The following ADPRHL1 variants were observed in gnomAD, a reference collection of about 807,000 sequenced individuals.
ADPRHL1 encodes the protein ADP-ribosylhydrolase like 1, also known as inactive ADP-ribosyltransferase ARH2.
Under a neutral mutation model 44.1 loss-of-function variants are expected in ADPRHL1, and 43 were observed. The ratio of observed to expected loss-of-function variants is 0.98; its 90% CI spans 0.76 to 1.26. ADPRHL1 has a LOEUF of 1.26. Among genes scored for constraint, ADPRHL1 ranks in the 50% most tolerant of loss-of-function variants. The probability of loss-of-function intolerance (pLI) is 0.00; values close to 1 mark genes in which losing one functional copy is unlikely to be tolerated. For synonymous variants in ADPRHL1, 878 were observed against 1,017.4 expected (o/e 0.86, Z 2.61); for missense variants, 2,022 against 2,496.9 (o/e 0.81, Z 4.05).
intron 1 of ADPRHL1, among the ~76,000 whole-genome samples, chr13:113,452,026 G>A (rs528954721): frequency 4.9e-4 from 74 of 152,294 alleles, no homozygotes; most frequent in African/African-American, 1.7e-3. Context: ...GAGCTGGTAT[G>A]AGCGCACACA....
chr13:113,408,276 T>C lies in ADPRHL1; in HGVS notation c.1062-56A>G, dbSNP rs2043824422. On this transcript the variant is annotated intron_variant, in intron 7 of 7. Coordinates refer to ENST00000612156, the MANE Select transcript of ADPRHL1 (RefSeq NM_001394807.1). Reference sequence around the variant, plus strand: ...CATCATCATTTTTCTCCAAGATGACTCTATAGAACATTTATCATGGGGCAA... The same window carrying C: ...CATCATCATTTTTCTCCAAGATGACCCTATAGAACATTTATCATGGGGCAA... The C allele has an allele frequency of 4.1e-6, 5 of 1,230,080 alleles. No homozygotes were observed. In the Admixed American group the frequency reaches 2.1e-4, roughly 52 times the overall value. The allele number at this position is 1,230,080 out of a possible 1,614,324, so 76.2% of individuals were successfully genotyped here. A position where few individuals can be genotyped will look rare whatever the true frequency, so the allele number is the denominator to read the frequency against.
At position 113,399,896 on chromosome 13, in the gene ADPRHL1, G is replaced by A. The variant is rs916145290; in HGVS notation, c.*3482C>T. On this transcript the variant is annotated 3_prime_UTR_variant, in exon 8 of 8. Transcript: ENST00000612156. ...TCCCAGACAACGACCCTCCCTGAGC[G>A]AGTGTCCTGAACATGACCACATTCT... 1.3e-5 allele frequency: 2 copies of A among 151,800 alleles called. No individual in the cohort carries two copies. The highest frequency in any genetic ancestry group is 2.1e-4 in the South Asian group (1 of 4,796). 9.4% of individuals were successfully genotyped at this position (151,800 alleles called of 1,614,324 possible).
rs955131145 is a variant in ADPRHL1, at chr13:113,405,013, G to A, written c.4269C>T (p.Ala1423=). The A allele has an allele frequency of 1.8e-5, 22 of 1,233,378 alleles. No homozygotes were observed. Among genetic ancestry groups the A allele is most frequent in the East Asian group, 3.2e-5 (1 of 31,728 alleles). 76.4% of individuals were successfully genotyped at this position (1,233,378 alleles called of 1,614,324 possible). ...CCCCAATGGCCATCCCTTTGTCCCC[G>A]GCCAGATCCTGTGCCCACCATGTCT... ...EPQTWWAQDL[A]GDKGMAIGVG... Residue 1423 remains alanine (A), a synonymous_variant, in exon 8 of 8, where the codon GCC becomes GCT. Transcript: ENST00000612156.
rs529399235 is a variant in ADPRHL1, at chr13:113,404,461, C to T, written c.4821G>A (p.Trp1607Ter). The T allele has an allele frequency of 7.6e-7, 1 of 1,308,518 alleles. No individual in the cohort carries two copies. The highest frequency in any genetic ancestry group is 9.7e-7 in the Non-Finnish European group (1 of 1,035,904). The allele number at this position is 1,308,518 out of a possible 1,614,324, so 81.1% of individuals were successfully genotyped here. ...CCTGTCCCTGAGCCTCTTCCTGGGC[C>T]CATTTCTGAACCTCTCCTTGAACCT... ...QKQVQGEVQK[W>*]AQEEAQGQAQ... Residue 1607 changes from tryptophan to a stop codon, truncating the protein, a stop_gained, in exon 8 of 8, where the codon TGG becomes TGA. Coordinates refer to ENST00000612156, the MANE Select transcript of ADPRHL1 (RefSeq NM_001394807.1). LOFTEE classifies it low-confidence loss of function (END_TRUNC).
intron 7 of ADPRHL1, among the ~76,000 whole-genome samples, chr13:113,411,659 G>A (rs1196495658): frequency 2.0e-5 from 3 of 152,216 alleles, no homozygotes; most frequent in African/African-American, 4.8e-5. Context: ...GGGTTTATTG[G>A]CTGAGGATTA....
rs2043988153 is a variant in ADPRHL1, at chr13:113,429,040, T to C, written c.558A>G (p.Gly186=). Residue 186 remains glycine (G), a synonymous_variant, in exon 4 of 8, where the codon GGA becomes GGG. Transcript: ENST00000612156. ...CTCTCCCCCACTGGACCAGGGGCTT[T>C]CCTTGTGCGGCGAACGACACAAACA... ...TALFVSFAAQ[G]KPLVQWGRDM... The C allele has an allele frequency of 6.2e-7, 1 of 1,612,796 alleles. No homozygotes were observed. The highest frequency in any genetic ancestry group is 1.7e-5 in the Admixed American group (1 of 59,996).
intron 1 of ADPRHL1, among the ~76,000 whole-genome samples, chr13:113,447,709 G>C (rs1281612541): frequency 1.3e-5 from 2 of 152,214 alleles, no homozygotes; most frequent in Admixed American, 6.5e-5. Flanking sequence ...ACTGTGGTTT[G>C]GGAGACACGA....
intron 7 of ADPRHL1, among the ~76,000 whole-genome samples, chr13:113,411,139 G>A (rs536414159): frequency 3.5e-4 from 53 of 152,314 alleles, no homozygotes; most frequent in African/African-American, 1.2e-3. Flanking sequence ...ATCCCTCGCT[G>A]ATGGCTTCTG....
At chr13:113,414,320 T>A (rs1035308034) in intron 7 of ADPRHL1, among the ~76,000 whole-genome samples, 1 of 152,142 alleles carries the variant, frequency 6.6e-6, no homozygotes, top group Non-Finnish European at 1.5e-5. Flanking sequence ...GTCCTGGGCC[T>A]CCATCAACAC....
At chr13:113,422,069 C>CAGCG (rs2043927841) in intron 7 of ADPRHL1, 1 of 152,260 alleles carries the variant, frequency 6.6e-6, no homozygotes, top group Admixed American at 6.5e-5. Flanking sequence ...ATCACAGGGA[C>CAGCG]AGCGCTTCCT....
rs2043833980 is a variant in ADPRHL1, at chr13:113,409,378, G to A, written c.1062-1158C>T. On this transcript the variant is annotated intron_variant, in intron 7 of 7. Transcript: ENST00000612156. The surrounding 1 kb of genome is among the most constrained non-coding windows in gnomAD (Gnocchi z 4.2). Reference sequence around the variant, plus strand: ...ACCTGTTAGTCATTCATTCTAAGGAGATCATCAGGGATGAGGAACAAAGAC... The same window carrying A: ...ACCTGTTAGTCATTCATTCTAAGGAAATCATCAGGGATGAGGAACAAAGAC... The A allele has an allele frequency of 1.0e-6, 1 of 985,376 alleles. No homozygotes were observed. The highest frequency in any genetic ancestry group is 6.1e-5 in the Admixed American group (1 of 16,280). 61.0% of individuals were successfully genotyped at this position (985,376 alleles called of 1,614,324 possible).
intron 2 of ADPRHL1, among the ~76,000 whole-genome samples, chr13:113,440,458 C>A (rs1365351741): frequency 7.0e-6 from 1 of 142,356 alleles, no homozygotes; most frequent in Non-Finnish European, 1.5e-5. Flanking sequence ...ATTTTTCCAT[C>A]TTTTTTTTTT....
At chr13:113,422,409 G>A (rs1316685945) in intron 7 of ADPRHL1, 1 of 178,474 alleles carries the variant, frequency 5.6e-6, no homozygotes, top group Admixed American at 5.6e-5. Context: ...GGAAACGCAT[G>A]CCTGGAGGCA....
intron 2 of ADPRHL1, 84 bp from the exon 3 acceptor site, chr13:113,433,951 A>T: frequency 7.0e-7 from 1 of 1,438,576 alleles, no homozygotes; most frequent in Non-Finnish European, 9.2e-7. Flanking sequence ...ATAATTTTAA[A>T]AGTAGAAAAA....
At chr13:113,428,853 TAAGAGCGA>T (rs981424652) in intron 4 of ADPRHL1, 91 bp downstream of exon 4, 66 of 1,552,032 alleles carry the variant, frequency 4.3e-5, no homozygotes, top group Non-Finnish European at 5.7e-5. Context: ...CAGTTCCATC[TAAGAGCGA>T]AAGTGCCTTG....
chr13:113,400,140 CTT>C lies in ADPRHL1; in HGVS notation c.*3236_*3237del, dbSNP rs1181989520. 1.4e-5 allele frequency: 2 copies of C among 139,286 alleles called. No homozygotes were observed. Among genetic ancestry groups the C allele is most frequent in the African/African-American group, 5.8e-5 (2 of 34,454 alleles). 8.6% of individuals were successfully genotyped at this position (139,286 alleles called of 1,614,324 possible). ...TAAATATCCTGTTTTCTTTTCTTTT[CTT>C]TTCTTCTTTTTTTTTTTTTTTTTGA... On this transcript the variant is annotated 3_prime_UTR_variant, in exon 8 of 8. Transcript: ENST00000612156.
In ADPRHL1 at chr13:113,409,145, G is replaced by A. The variant is rs2043832043; in HGVS notation, c.1062-925C>T. 6.6e-6 allele frequency among the ~76,000 whole-genome samples: 1 copy of A among 152,180 alleles called. No homozygotes were observed. Among genetic ancestry groups the A allele is most frequent in the African/African-American group, 2.4e-5 (1 of 41,446 alleles). On this transcript the variant is annotated intron_variant, in intron 7 of 7. Transcript: ENST00000612156. This position sits in a 1 kb window ranked among gnomAD's most constrained non-coding sequence, Gnocchi z 4.2. ...ACCAGCCCAGCTTTCAAAGAGACGGGACCAAATGGGTCTTGGCTGGAGAGA... is the reference window on the plus strand; with the variant it reads ...ACCAGCCCAGCTTTCAAAGAGACGGAACCAAATGGGTCTTGGCTGGAGAGA...
At chr13:113,410,162 G>A in intron 7 of ADPRHL1, 1 of 980,552 alleles carries the variant, frequency 1.0e-6, no homozygotes, top group Non-Finnish European at 1.2e-6. Context: ...GGAGTGGCAG[G>A]GCCGCAGATG....
rs943054688 is a variant in ADPRHL1, at chr13:113,450,198, G to A, written c.214+3026C>T. 7.9e-5 allele frequency among the ~76,000 whole-genome samples: 12 copies of A among 152,288 alleles called. No individual in the cohort carries two copies. In the South Asian group the frequency reaches 1.4e-3, roughly 18 times the overall value. On this transcript the variant is annotated intron_variant, in intron 1 of 7. Transcript: ENST00000612156. ...CTCCCACAATGCTGGGATTGCAGAC[G>A]TGAGCCACTGTGCCCAGCCCTCACC...
Sources: allele counts gnomAD v4.1 joint callset (sites outside exome capture counted in the v4.1 genomes callset), GRCh38; gene constraint gnomAD v4.1.1; non-coding constraint Gnocchi (gnomAD v3.1); transcripts MANE v1.5; gene names NCBI Gene and HGNC (gene_info 2026-07-23, HGNC 2026-07-21).